Variants in SEMA3A observed in about 807,000 individuals in gnomAD.
SEMA3A encodes semaphorin-3A.
Under a neutral mutation model 97.9 loss-of-function variants are expected in SEMA3A, and 29 were observed. That is an observed-to-expected ratio of 0.30 (90% CI 0.22 to 0.40). The LOEUF is 0.40. Among genes scored for constraint, SEMA3A ranks in the 10% least tolerant of loss-of-function variants. The pLI, the probability that SEMA3A is intolerant of heterozygous loss-of-function variation, is 1.00. For synonymous variants in SEMA3A, 321 were observed against 323.7 expected (o/e 0.99, Z 0.09); for missense variants, 763 against 951.3 (o/e 0.80, Z 2.60).
intron 4 of SEMA3A, among the ~76,000 whole-genome samples, chr7:84,085,175 A>T (rs903743778): frequency 4.6e-5 from 7 of 152,080 alleles, no homozygotes; most frequent in African/African-American, 1.7e-4. Flanking sequence ...AAGGAATGTT[A>T]AGCATAAGGG....
At chr7:84,374,281 T>C (rs1000185433) in intron 1 of SEMA3A, among the ~76,000 whole-genome samples, 2 of 152,210 alleles carry the variant, frequency 1.3e-5, no homozygotes, top group African/African-American at 2.4e-5. Context: ...GCAATAAATA[T>C]GTGTGCAAAG....
At chr7:84,447,489 C>T (rs1397150337) in intron 1 of SEMA3A, among the ~76,000 whole-genome samples, 1 of 152,116 alleles carries the variant, frequency 6.6e-6, no homozygotes, top group African/African-American at 2.4e-5. Context: ...CAACACACAC[C>T]TCCTCCCTTC....
chr7:84,489,849 G>T (rs1281102016), intron 1 of SEMA3A, among the ~76,000 whole-genome samples: 1 of 151,950 alleles, frequency 6.6e-6, no homozygotes, highest in African/African-American at 2.4e-5. Flanking sequence ...GGTTAAAAAA[G>T]AAAATTTATT....
chr7:84,226,502 A>C (rs1049923994), intron 3 of SEMA3A, among the ~76,000 whole-genome samples: 1 of 152,102 alleles, frequency 6.6e-6, no homozygotes, highest in African/African-American at 2.4e-5. Flanking sequence ...AATCATATCT[A>C]TAACTTTTTC....
At position 84,206,614 on chromosome 7, in the gene SEMA3A, G is replaced by A. The variant is rs576537724; in HGVS notation, c.-82-11946C>T. On this transcript the variant is annotated intron_variant, in intron 3 of 3. Coordinates refer to the SEMA3A transcript ENST00000424555. ...TGGGATTACAGGCGTGAGCCACCGC[G>A]TCCGGCCTTCCAAGATGGCATTTTA... Among the ~76,000 whole-genome samples, 34 of 152,022 alleles carry A rather than the reference G, an allele frequency of 2.2e-4. No individual in the cohort carries two copies. In the South Asian group the frequency reaches 6.4e-3, roughly 29 times the overall value.
intron 1 of SEMA3A, among the ~76,000 whole-genome samples, chr7:84,185,973 TCTCA>T (rs1399393609): frequency 6.6e-6 from 1 of 152,110 alleles, no homozygotes; most frequent in Non-Finnish European, 1.5e-5. Context: ...TCCCTCCTGA[TCTCA>T]CTGTCAGTCA....
intron 3 of SEMA3A, among the ~76,000 whole-genome samples, chr7:84,249,248 T>A (rs1028761640): frequency 6.6e-6 from 1 of 152,110 alleles, no homozygotes; most frequent in Non-Finnish European, 1.5e-5. Context: ...GAAACACTTT[T>A]AGATTAACTT....
chr7:84,361,016 C>G (rs560888444), intron 2 of SEMA3A, among the ~76,000 whole-genome samples: 5 of 152,020 alleles, frequency 3.3e-5, no homozygotes. Context: ...ATCAAGAATT[C>G]AAAATTAGTT....
intron 2 of SEMA3A, among the ~76,000 whole-genome samples, chr7:84,363,806 G>A (rs1443671842): frequency 6.6e-6 from 1 of 151,766 alleles, no homozygotes; most frequent in Non-Finnish European, 1.5e-5. Flanking sequence ...GGAACTCTAA[G>A]CTTCCTTAAG....
intron 15 of SEMA3A, among the ~76,000 whole-genome samples, chr7:83,967,784 T>A (rs1788762008): frequency 6.6e-6 from 1 of 152,022 alleles, no homozygotes. Context: ...CTATCAATTT[T>A]AAAAATTTTG....
At chr7:84,473,884 A>G (rs1358810838) in intron 1 of SEMA3A, among the ~76,000 whole-genome samples, 1 of 152,216 alleles carries the variant, frequency 6.6e-6, no homozygotes, top group Non-Finnish European at 1.5e-5. Flanking sequence ...GTGCTGAGTC[A>G]GGAATGAGTT....
At chr7:84,486,199 C>A (rs890219114) in intron 1 of SEMA3A, among the ~76,000 whole-genome samples, 1 of 151,882 alleles carries the variant, frequency 6.6e-6, no homozygotes, top group Non-Finnish European at 1.5e-5. Flanking sequence ...ACCATCCTGG[C>A]CAGCATGGTG....
intron 1 of SEMA3A, among the ~76,000 whole-genome samples, chr7:84,174,050 A>C (rs1797484469): frequency 6.6e-6 from 1 of 152,206 alleles, no homozygotes; most frequent in Non-Finnish European, 1.5e-5. Context: ...GAGACCATAA[A>C]AAATCAATTG....
intron 1 of SEMA3A, among the ~76,000 whole-genome samples, chr7:84,469,995 A>G (rs1806107006): frequency 3.3e-5 from 5 of 151,756 alleles, no homozygotes; most frequent in African/African-American, 1.2e-4. Context: ...ATGAAATAAA[A>G]AGGATAAAAT....
At position 84,351,066 on chromosome 7, in the gene SEMA3A, TACACAC is replaced by T. The variant is rs149149582; in HGVS notation, c.-169+20752_-169+20757del. On this transcript the variant is annotated intron_variant, in intron 2 of 3. Coordinates refer to the SEMA3A transcript ENST00000424555. ...ACATGCATGCAGATGTACACATGCA[TACACAC>T]ACACACACACACACACACACACACT... Among the ~76,000 whole-genome samples the T allele has an allele frequency of 7.6e-3, 1,116 of 146,642 alleles. 29 individuals carry two copies. Among genetic ancestry groups the T allele is most frequent in the Admixed American group, 0.042 (622 of 14,704 alleles).
intron 3 of SEMA3A, among the ~76,000 whole-genome samples, chr7:84,118,045 T>A (rs1468555363): frequency 6.6e-6 from 1 of 152,182 alleles, no homozygotes; most frequent in African/African-American, 2.4e-5. Flanking sequence ...TTTCACCAAT[T>A]ACGACAAGAG....
At chr7:84,040,881 T>G (rs972283963) in intron 6 of SEMA3A, among the ~76,000 whole-genome samples, 7 of 152,146 alleles carry the variant, frequency 4.6e-5, no homozygotes, top group African/African-American at 1.7e-4. Context: ...TGTCTCATTT[T>G]TTGATCAACT....
At chr7:84,146,093 T>C (rs1796455068) in intron 1 of SEMA3A, among the ~76,000 whole-genome samples, 1 of 152,222 alleles carries the variant, frequency 6.6e-6, no homozygotes, top group Admixed American at 6.5e-5. Context: ...CAGACATCTA[T>C]CCTTCGATGG....
intron 4 of SEMA3A, among the ~76,000 whole-genome samples, chr7:84,062,577 C>A (rs1244604182): frequency 6.6e-6 from 1 of 152,166 alleles, no homozygotes; most frequent in South Asian, 2.1e-4. Flanking sequence ...ACGCGCGAGC[C>A]GAAGCAGGGC....
Sources: gnomAD v4.1 joint callset for allele counts (sites outside exome capture counted in the v4.1 genomes callset) on GRCh38, gnomAD v4.1.1 for gene constraint, MANE v1.5 for transcripts, NCBI Gene and HGNC (gene_info 2026-07-23, HGNC 2026-07-21) for gene names.